The following RAB4A variants were observed in gnomAD, a reference collection of about 807,000 sequenced individuals.
RAB4A encodes ras-related protein Rab-4A.
Under a neutral mutation model 34.5 loss-of-function variants are expected in RAB4A, and 20 were observed. That is an observed-to-expected ratio of 0.58 (90% CI 0.41 to 0.84). The LOEUF (loss-of-function observed/expected upper bound fraction) is 0.84, where lower values mean the gene tolerates loss of function less well. RAB4A is among the 40% of genes least tolerant of loss of function. The pLI is 0.00. For synonymous variants in RAB4A, 102 were observed against 100.0 expected, an observed-to-expected ratio of 1.02 and a Z score of -0.12; for missense variants, 228 against 274.5, an observed-to-expected ratio of 0.83 and a Z score of 1.20.
At chr1:229,277,096 A>G (rs1446452974) in intron 1 of RAB4A, among the ~76,000 whole-genome samples, 1 of 148,040 alleles carries the variant, frequency 6.8e-6, no homozygotes, top group African/African-American at 2.5e-5. Context: ...ATAAATTATT[A>G]TTATATCAGT....
At chr1:229,286,797 G>A (rs1432104085) in intron 2 of RAB4A, among the ~76,000 whole-genome samples, 2 of 152,200 alleles carry the variant, frequency 1.3e-5, no homozygotes, top group Admixed American at 1.3e-4. Context: ...TGCAGATGCT[G>A]AGAGACCATA....
chr1:229,273,774 G>A (rs1398099107), intron 1 of RAB4A, among the ~76,000 whole-genome samples: 1 of 152,112 alleles, frequency 6.6e-6, no homozygotes, highest in African/African-American at 2.4e-5. Context: ...GAGCAAGCAG[G>A]ACAGTTGAAG....
chr1:229,278,534 A>T (rs901040800), intron 1 of RAB4A, among the ~76,000 whole-genome samples: 1 of 152,192 alleles, frequency 6.6e-6, no homozygotes, highest in African/African-American at 2.4e-5. Flanking sequence ...AAACTTGCTT[A>T]CCTCATCCTT....
intron 1 of RAB4A, among the ~76,000 whole-genome samples, chr1:229,274,049 C>CTTTTTTTTTTTTTTT (rs11339660): frequency 1.2e-5 from 1 of 86,846 alleles, no homozygotes; most frequent in Non-Finnish European, 2.1e-5. Context: ...TTTTGTTTCC[C>CTTTTTTTTTTTTTTT]TTTTTTTTTT....
intron 1 of RAB4A, among the ~76,000 whole-genome samples, chr1:229,273,784 G>A (rs1169864772): frequency 6.6e-6 from 1 of 152,136 alleles, no homozygotes; most frequent in Non-Finnish European, 1.5e-5. Flanking sequence ...GACAGTTGAA[G>A]TTTGCCAAGC....
chr1:229,298,826 T>C, intron 5 of RAB4A, 151 bp from the exon 6 acceptor site: 1 of 621,544 alleles, frequency 1.6e-6, no homozygotes, highest in East Asian at 3.0e-5. Context: ...CATAATGACA[T>C]ATATTGATTT....
At chr1:229,278,144 C>T (rs1327921514) in intron 1 of RAB4A, among the ~76,000 whole-genome samples, 1 of 152,210 alleles carries the variant, frequency 6.6e-6, no homozygotes, top group Non-Finnish European at 1.5e-5. Flanking sequence ...GGATTACAGG[C>T]ATGATCCACC....
chr1:229,285,494 A>G (rs1259400326), intron 1 of RAB4A, among the ~76,000 whole-genome samples: 5 of 152,144 alleles, frequency 3.3e-5, no homozygotes, highest in African/African-American at 1.2e-4. Context: ...AGCTTAATTG[A>G]GGAGGGAGTG....
At position 229,305,226 on chromosome 1, in the gene RAB4A, C is replaced by T; in HGVS notation, c.*1433C>T. ...TTGAATATTTTATTTCAAAAAGTAT[C>T]TGAAGCAAATTCTCAGACTGAACTA... On this transcript the variant is annotated 3_prime_UTR_variant, in exon 8 of 8. Coordinates refer to ENST00000366690, the MANE Select transcript of RAB4A (RefSeq NM_004578.4). 1 of 1,609,276 alleles carries T rather than the reference C, an allele frequency of 6.2e-7. No individual in the cohort carries two copies. Among genetic ancestry groups the T allele is most frequent in the Non-Finnish European group, 8.5e-7 (1 of 1,178,038 alleles).
chr1:229,297,659 C>A, intron 5 of RAB4A, 23 bp downstream of exon 5: 1 of 1,541,724 alleles, frequency 6.5e-7, no homozygotes. Context: ...TTACTTCTTA[C>A]TATTTTTCAA....
intron 1 of RAB4A, among the ~76,000 whole-genome samples, chr1:229,282,255 C>T (rs1656797377): frequency 6.6e-6 from 1 of 152,152 alleles, no homozygotes; most frequent in South Asian, 2.1e-4. Context: ...TTGAAAAATA[C>T]AGTCACTCTC....
At chr1:229,291,165 C>T (rs1657059026) in intron 3 of RAB4A, among the ~76,000 whole-genome samples, 1 of 152,200 alleles carries the variant, frequency 6.6e-6, no homozygotes, top group African/African-American at 2.4e-5. Flanking sequence ...AATAATTCTT[C>T]AACCTAAAAT....
At chr1:229,287,165 G>A (rs1015801985) in intron 2 of RAB4A, among the ~76,000 whole-genome samples, 1 of 152,192 alleles carries the variant, frequency 6.6e-6, no homozygotes, top group South Asian at 2.1e-4. Context: ...AGAAAGACCT[G>A]TCTAGTTAGT....
At chr1:229,301,682 T>C (rs1657389539) in intron 6 of RAB4A, among the ~76,000 whole-genome samples, 1 of 152,096 alleles carries the variant, frequency 6.6e-6, no homozygotes, top group South Asian at 2.1e-4. Flanking sequence ...GAGTATAAAT[T>C]AGGATTCTTC....
In RAB4A at chr1:229,299,002, G is replaced by C. The variant is rs144029461; in HGVS notation, c.471G>C (p.Ala157=). 6.2e-7 allele frequency: 1 copy of C among 1,609,422 alleles called. No homozygotes were observed. The highest frequency in any genetic ancestry group is 1.1e-5 in the South Asian group (1 of 90,010). The change falls in exon 6 of 8, where the codon GCG becomes GCC. Residue 157 remains alanine (A), a synonymous_variant. Coordinates refer to ENST00000366690, the MANE Select transcript of RAB4A (RefSeq NM_004578.4). ...ENELMFLETS[A]LTGENVEEAF... ...AGCTGATGTTTTTGGAAACAAGTGC[G>C]CTCACAGGGGAGAATGTAGAAGAGG...
At chr1:229,286,363 A>G (rs1656923552) in intron 1 of RAB4A, 123 bp from the exon 2 acceptor site, 5 of 619,098 alleles carry the variant, frequency 8.1e-6, no homozygotes, top group Non-Finnish European at 1.4e-5. Context: ...TTCACAAGAT[A>G]CTCAGTTACC....
rs1308204076 is a variant in RAB4A, at chr1:229,295,929, G to A, written c.290+19G>A. The A allele has an allele frequency of 6.2e-7, 1 of 1,613,426 alleles. No individual in the cohort carries two copies. The highest frequency in any genetic ancestry group is 1.3e-5 in the African/African-American group (1 of 75,022). On this transcript the variant is annotated intron_variant, in intron 4 of 7. Transcript: ENST00000366690. The stretch of plus-strand genomic sequence containing the variant: ...TCACCAGGTAATGCCAGCTCCCCCT[G>A]GTGAAGGAGGGTGCTCAGTGCCCTG...
chr1:229,294,565 C>T (rs1319689577), intron 3 of RAB4A, among the ~76,000 whole-genome samples: 1 of 152,196 alleles, frequency 6.6e-6, no homozygotes, highest in African/African-American at 2.4e-5. Context: ...TGGGGCCACG[C>T]GTGGTGGCTC....
chr1:229,277,518 A>C (rs1571821445), intron 1 of RAB4A, among the ~76,000 whole-genome samples: 1 of 151,338 alleles, frequency 6.6e-6, no homozygotes, highest in East Asian at 1.9e-4. Flanking sequence ...TTTGTCCTTT[A>C]AAGTACATGT....
Sources: allele counts gnomAD v4.1 joint callset (sites outside exome capture counted in the v4.1 genomes callset), GRCh38; gene constraint gnomAD v4.1.1; transcripts MANE v1.5; gene names NCBI Gene and HGNC (gene_info 2026-07-23, HGNC 2026-07-21).